The following KCNH5 variants were observed in gnomAD, a reference collection of about 807,000 sequenced individuals.
KCNH5 encodes voltage-gated delayed rectifier potassium channel KCNH5.
In KCNH5, 46 loss-of-function variants were observed where a neutral mutation model predicts 96.1. That is an observed-to-expected ratio of 0.48 (90% CI 0.38 to 0.61). The LOEUF (loss-of-function observed/expected upper bound fraction) is 0.61, where lower values mean the gene tolerates loss of function less well. Ranked by LOEUF, KCNH5 falls within the 20% of genes least tolerant of loss-of-function variation. The pLI is 0.00. For synonymous variants in KCNH5, 439 were observed against 449.8 expected, an observed-to-expected ratio of 0.98 and a Z score of 0.30; for missense variants, 907 against 1,225.8, an observed-to-expected ratio of 0.74 and a Z score of 3.88.
chr14:62,847,951 G>C, intron 8 of KCNH5, among the ~76,000 whole-genome samples: 1 of 152,164 alleles, frequency 6.6e-6, no homozygotes, highest in African/African-American at 2.4e-5. Flanking sequence ...TGTCCTCAAG[G>C]GGAGGCTTGA....
At chr14:62,988,132 A>G (rs1309763111) in intron 4 of KCNH5, among the ~76,000 whole-genome samples, 2 of 152,114 alleles carry the variant, frequency 1.3e-5, no homozygotes, top group Non-Finnish European at 2.9e-5. Flanking sequence ...AAAATCATTA[A>G]TCTCAAGGAA....
chr14:62,983,549 A>G (rs913603664), intron 5 of KCNH5, among the ~76,000 whole-genome samples: 10 of 152,114 alleles, frequency 6.6e-5, no homozygotes, highest in Non-Finnish European at 1.2e-4. Flanking sequence ...ATAGACCCGT[A>G]AAAGTGTTGT....
intron 5 of KCNH5, among the ~76,000 whole-genome samples, chr14:62,981,781 C>A (rs950927678): frequency 1.3e-5 from 2 of 152,182 alleles, no homozygotes; most frequent in Admixed American, 1.3e-4. Context: ...TAAAGGGTAT[C>A]GCCTGCTTTT....
At chr14:62,746,222 G>A (rs1885372647) in intron 10 of KCNH5, among the ~76,000 whole-genome samples, 6 of 152,222 alleles carry the variant, frequency 3.9e-5, no homozygotes, top group Admixed American at 3.3e-4. Flanking sequence ...TATGTTAGAG[G>A]AATATAAATC....
chr14:62,980,705 T>A (rs373410349), intron 6 of KCNH5, among the ~76,000 whole-genome samples, 167 bp downstream of exon 6: 2 of 152,182 alleles, frequency 1.3e-5, no homozygotes, highest in African/African-American at 4.8e-5. Flanking sequence ...AAGAAACAGA[T>A]GAAAACTAAT....
intron 10 of KCNH5, among the ~76,000 whole-genome samples, chr14:62,760,499 C>A (rs2139955068): frequency 6.6e-6 from 1 of 152,298 alleles, no homozygotes; most frequent in Non-Finnish European, 1.5e-5. Flanking sequence ...AGCTTCCGTT[C>A]CAGATTGCGA....
intron 9 of KCNH5, among the ~76,000 whole-genome samples, chr14:62,781,632 A>G (rs1886219414): frequency 6.6e-6 from 1 of 152,126 alleles, no homozygotes; most frequent in Non-Finnish European, 1.5e-5. Flanking sequence ...ATTCAGTGAT[A>G]TTTCTCCCAT....
At chr14:62,855,775 A>G (rs1459820950) in intron 7 of KCNH5, among the ~76,000 whole-genome samples, 3 of 152,142 alleles carry the variant, frequency 2.0e-5, no homozygotes, top group African/African-American at 7.2e-5. Flanking sequence ...AGAATACACA[A>G]TGTTATCAAA....
Position 63,006,513 on chromosome 14 carries a change from G to T in KCNH5, c.198-41C>A, listed in dbSNP as rs199895243. ...AACAAACAATCGATTTCACTTTTGT[G>T]TTGCCTTTCAAATGCTACAAAAATC... is the stretch of plus-strand genomic sequence containing the variant. On this transcript the variant is annotated intron_variant, in intron 2 of 10. Transcript: ENST00000322893. 1.0e-4 allele frequency: 120 copies of T among 1,188,534 alleles called. 1 individual carries two copies. The East Asian group carries it at 2.7e-3, about 27-fold the overall frequency. The allele number at this position is 1,188,534 out of a possible 1,614,324, so 73.6% of individuals were successfully genotyped here.
intron 10 of KCNH5, among the ~76,000 whole-genome samples, chr14:62,742,367 C>T (rs975445494): frequency 1.3e-5 from 2 of 152,034 alleles, no homozygotes; most frequent in Non-Finnish European, 2.9e-5. Flanking sequence ...CAAAACAAAA[C>T]CAAAAGATTT....
At chr14:62,753,002 A>G (rs1844511) in intron 10 of KCNH5, among the ~76,000 whole-genome samples, 48,111 of 152,120 alleles carry the variant, frequency 0.32, 8,507 homozygotes, top group South Asian at 0.62. Flanking sequence ...AACAAACTGA[A>G]CAAGAAACCA....
chr14:62,761,816 AGAGCATCAAGAAGACT>A (rs1885757266), intron 10 of KCNH5, among the ~76,000 whole-genome samples: 1 of 152,190 alleles, frequency 6.6e-6, no homozygotes, highest in Admixed American at 6.5e-5. Context: ...CCAACATACT[AGAGCATCAAGAAGACT>A]GGCACACTGT....
At chr14:62,979,099 A>T (rs181339210) in intron 6 of KCNH5, among the ~76,000 whole-genome samples, 3 of 152,274 alleles carry the variant, frequency 2.0e-5, no homozygotes, top group Admixed American at 2.0e-4. Context: ...TATGAGATGA[A>T]CTTTTCTAGA....
chr14:63,030,332 C>A (rs917182369), intron 1 of KCNH5, among the ~76,000 whole-genome samples: 5 of 152,236 alleles, frequency 3.3e-5, no homozygotes, highest in Non-Finnish European at 7.3e-5. Context: ...TGTAATTTCA[C>A]AAGTCAGCAG....
chr14:62,953,359 C>A (rs1890042618), intron 6 of KCNH5, among the ~76,000 whole-genome samples: 2 of 152,064 alleles, frequency 1.3e-5, no homozygotes, highest in Non-Finnish European at 2.9e-5. Context: ...CCTCAGTCCT[C>A]TTCTGGTTGA....
intron 4 of KCNH5, among the ~76,000 whole-genome samples, chr14:62,988,836 T>C (rs1890758718): frequency 1.3e-5 from 2 of 152,086 alleles, no homozygotes; most frequent in Admixed American, 1.3e-4. Flanking sequence ...ACTGGACTTT[T>C]CTTACTACAG....
intron 9 of KCNH5, among the ~76,000 whole-genome samples, chr14:62,792,325 T>C (rs1886453139): frequency 6.6e-6 from 1 of 151,466 alleles, no homozygotes; most frequent in Admixed American, 6.6e-5. Flanking sequence ...GCTCGTAGAT[T>C]TTTTTTACAC....
At chr14:63,001,765 C>T (rs1327144922) in intron 3 of KCNH5, among the ~76,000 whole-genome samples, 20 of 152,238 alleles carry the variant, frequency 1.3e-4, no homozygotes, top group Admixed American at 1.3e-3. Flanking sequence ...ATCCCAGCAA[C>T]ACCTGTAGGT....
At chr14:62,777,282 T>C (rs1886117176) in intron 10 of KCNH5, among the ~76,000 whole-genome samples, 1 of 152,150 alleles carries the variant, frequency 6.6e-6, no homozygotes, top group South Asian at 2.1e-4. Flanking sequence ...TTTAGAATCA[T>C]AGAGATGAAT....
Sources: allele counts gnomAD v4.1 joint callset (sites outside exome capture counted in the v4.1 genomes callset), GRCh38; gene constraint gnomAD v4.1.1; transcripts MANE v1.5; gene names NCBI Gene and HGNC (gene_info 2026-07-23, HGNC 2026-07-21).